DNAH6: variants seen among roughly 807,000 people sequenced by gnomAD.
DNAH6 encodes dynein axonemal heavy chain 6.
DNAH6 carries 340 observed loss-of-function variants against 491.4 expected under a neutral mutation model. The ratio of observed to expected loss-of-function variants is 0.69; its 90% CI spans 0.63 to 0.76. DNAH6 has a LOEUF of 0.76. DNAH6 is among the 30% of genes least tolerant of loss of function. The pLI is 0.00. For synonymous variants in DNAH6, 1,603 were observed against 1,686.1 expected, an observed-to-expected ratio of 0.95 and a Z score of 1.21; for missense variants, 4,443 against 4,972.2, an observed-to-expected ratio of 0.89 and a Z score of 3.20.
intron 67 of DNAH6, among the ~76,000 whole-genome samples, 193 bp from the exon 68 acceptor site, chr2:84,786,971 G>A (rs1677260895): frequency 6.6e-6 from 1 of 152,138 alleles, no homozygotes; most frequent in Non-Finnish European, 1.5e-5. Flanking sequence ...AATATGGGGA[G>A]GAGCCAGTAT....
rs540982143 is a variant in DNAH6 at position 84,653,781 on chromosome 2, A to G, written c.5541A>G (p.Glu1847=). The stretch of plus-strand genomic sequence containing the variant: ...GGCCAGTAGATGCTCTTTGGATTGA[A>G]AACATGAATACAGTGCTGGATGATA... The part of the protein sequence containing the change: ...SDGPVDALWI[E]NMNTVLDDNK... Residue 1847 remains glutamate, a synonymous_variant, in exon 34 of 77, where the codon GAA becomes GAG. Coordinates refer to ENST00000389394, the MANE Select transcript of DNAH6 (RefSeq NM_001370.2). The G allele has an allele frequency of 1.3e-6, 2 of 1,551,512 alleles. No individual in the cohort carries two copies. The highest frequency in any genetic ancestry group is 4.9e-5 in the East Asian group (2 of 40,914).
intron 45 of DNAH6, 49 bp downstream of exon 45, chr2:84,688,642 T>A (rs1419901995): frequency 7.0e-7 from 1 of 1,429,966 alleles, no homozygotes; most frequent in Non-Finnish European, 9.3e-7. Flanking sequence ...ATATTTTTTG[T>A]ATTAAAGGGT....
intron 21 of DNAH6, 54 bp from the exon 22 acceptor site, chr2:84,611,620 A>G (rs924075435): frequency 1.1e-5 from 15 of 1,422,104 alleles, no homozygotes; most frequent in African/African-American, 8.5e-5. Flanking sequence ...TACTGTAACC[A>G]TATGTTTTTA....
chr2:84,464,114 C>T, the DNAH6 span, among the ~76,000 whole-genome samples: 1 of 152,122 alleles, frequency 6.6e-6, no homozygotes, highest in African/African-American at 2.4e-5. Context: ...GCTGGCATCT[C>T]CTGATACATA....
In DNAH6 at chr2:84,808,519, A is replaced by C; in HGVS notation, c.11716A>C (p.Asn3906His). The C allele has an allele frequency of 6.4e-7, 1 of 1,551,824 alleles. No homozygotes were observed. The highest frequency in any genetic ancestry group is 1.4e-5 in the African/African-American group (1 of 73,150). Residue 3906 changes from asparagine to histidine, a missense_variant, in exon 72 of 77, where the codon AAC becomes CAC. This residue lies in a region of DNAH6 where 1,463 missense variants were observed against 1,656.6 expected (regional missense o/e 0.88). Transcript: ENST00000389394. ...TVLGQEVDRF[N>H]NLLKLIHTSL... is the part of the protein sequence containing the mutation. ...TCTTGGACAGGAAGTGGACCGGTTT[A>C]ACAACCTGCTGAAGTTAATTCATGT...
At chr2:84,741,736 C>A (rs1441097083) in intron 62 of DNAH6, among the ~76,000 whole-genome samples, 3 of 152,242 alleles carry the variant, frequency 2.0e-5, no homozygotes, top group Non-Finnish European at 4.4e-5. Flanking sequence ...TCCCCAGGAT[C>A]TGGGTTCTCA....
At chr2:84,697,170 A>G (rs181613950) in intron 46 of DNAH6, among the ~76,000 whole-genome samples, 7 of 152,350 alleles carry the variant, frequency 4.6e-5, no homozygotes, top group East Asian at 3.9e-4. Flanking sequence ...AATTGTTCTT[A>G]TAATGTAAAC....
At chr2:84,753,481 C>T (rs946662404) in intron 63 of DNAH6, among the ~76,000 whole-genome samples, 1 of 151,698 alleles carries the variant, frequency 6.6e-6, no homozygotes, top group Non-Finnish European at 1.5e-5. Flanking sequence ...AATATTTACA[C>T]CTATGTTTTC....
intron 36 of DNAH6, 44 bp downstream of exon 36, chr2:84,658,518 T>C: frequency 7.6e-7 from 1 of 1,314,060 alleles, no homozygotes; most frequent in Non-Finnish European, 1.0e-6. Context: ...AAAAATTAGA[T>C]TATTGTATAA....
At chr2:84,466,525 T>C in the DNAH6 span, among the ~76,000 whole-genome samples, 2 of 152,208 alleles carry the variant, frequency 1.3e-5, no homozygotes, top group African/African-American at 4.8e-5. Context: ...AAAAGTTTCC[T>C]CGATTCTGAA....
chr2:84,510,031 G>A, the DNAH6 span, among the ~76,000 whole-genome samples: 2 of 152,036 alleles, frequency 1.3e-5, no homozygotes, highest in Non-Finnish European at 2.9e-5. Context: ...TTCAACTTTG[G>A]TGAATCTGAC....
In DNAH6 at chr2:84,796,291, C is replaced by A; in HGVS notation, c.11240-15C>A. 6.9e-7 allele frequency: 1 copy of A among 1,441,984 alleles called. No individual in the cohort carries two copies. Among genetic ancestry groups the A allele is most frequent in the Non-Finnish European group, 9.2e-7 (1 of 1,091,400 alleles). The allele number at this position is 1,441,984 out of a possible 1,614,324, so 89.3% of individuals were successfully genotyped here. On this transcript the variant is annotated splice_polypyrimidine_tract_variant and intron_variant, in intron 68 of 76. Transcript: ENST00000389394. ...TAAAAACAGCAATAATTTCAAAATACAAATTTCTTTTCAGGTGAAATTACT... is the reference window on the plus strand; with the variant it reads ...TAAAAACAGCAATAATTTCAAAATAAAAATTTCTTTTCAGGTGAAATTACT...
the DNAH6 span, among the ~76,000 whole-genome samples, chr2:84,504,231 C>T: frequency 6.6e-6 from 1 of 152,146 alleles, no homozygotes; most frequent in Non-Finnish European, 1.5e-5. Flanking sequence ...CATTTTTCAG[C>T]ACCAGAATTT....
At position 84,595,696 on chromosome 2, in the gene DNAH6, A is replaced by G; in HGVS notation, c.2775A>G (p.Lys925=). The change falls in exon 18 of 77, where the codon AAA becomes AAG. Residue 925 remains lysine, a synonymous_variant. Coordinates refer to ENST00000389394, the MANE Select transcript of DNAH6 (RefSeq NM_001370.2). ...DPEVLNGQVS[K]YAKFVTQLEK... ...AAGTCCTAAACGGTCAAGTTTCTAA[A>G]TATGCTAAATTTGTGACTCAACTGG... 3 of 1,551,186 alleles carry G rather than the reference A, an allele frequency of 1.9e-6. No homozygotes were observed. The highest frequency in any genetic ancestry group is 1.4e-5 in the African/African-American group (1 of 73,176).
At chr2:84,524,424 G>C (rs1284164823) in intron 2 of DNAH6, among the ~76,000 whole-genome samples, 2 of 151,498 alleles carry the variant, frequency 1.3e-5, no homozygotes, top group African/African-American at 2.4e-5. Context: ...AGGTTATTTA[G>C]CCCATTTACA....
intron 61 of DNAH6, among the ~76,000 whole-genome samples, chr2:84,728,310 G>A (rs886674546): frequency 2.0e-5 from 3 of 152,304 alleles, no homozygotes; most frequent in African/African-American, 4.8e-5. Context: ...TACTATGATC[G>A]TTATTCTAGA....
Position 84,557,923 on chromosome 2 carries a change from T to C in DNAH6, c.1791T>C (p.Ile597=). The change falls in exon 11 of 77, where the codon ATT becomes ATC. Residue 597 remains isoleucine (I), a synonymous_variant. Transcript: ENST00000389394. Reference sequence around the variant, plus strand: ...ATGATAAGAATTTTCACACAATTATTTCTCAAATAAAGGTATGTTTACTCT... The same window carrying C: ...ATGATAAGAATTTTCACACAATTATCTCTCAAATAAAGGTATGTTTACTCT... ...FEDDKNFHTI[I]SQIKETIQAA... 6.2e-7 allele frequency: 1 copy of C among 1,606,720 alleles called. No homozygotes were observed. The highest frequency in any genetic ancestry group is 1.1e-5 in the South Asian group (1 of 90,612).
chr2:84,591,523 C>A (rs1684112468), intron 16 of DNAH6, among the ~76,000 whole-genome samples: 1 of 152,058 alleles, frequency 6.6e-6, no homozygotes, highest in Admixed American at 6.6e-5. Flanking sequence ...TGTTAAAATA[C>A]CTGTACTACC....
At chr2:84,785,032 C>T (rs1427490) in intron 66 of DNAH6, among the ~76,000 whole-genome samples, 37,894 of 151,998 alleles carry the variant, frequency 0.25, 5,296 homozygotes, top group African/African-American at 0.4. Context: ...CTCTCCCAGC[C>T]GTCACCCTCA....
Sources: gnomAD v4.1 joint callset for allele counts (sites outside exome capture counted in the v4.1 genomes callset) on GRCh38, gnomAD v4.1.1 for gene constraint, gnomAD v4.1.1 regional missense constraint, MANE v1.5 for transcripts, NCBI Gene and HGNC (gene_info 2026-07-23, HGNC 2026-07-21) for gene names.